PDE4D: variants seen among roughly 807,000 people sequenced by gnomAD.
PDE4D encodes 3',5'-cyclic-AMP phosphodiesterase 4D.
Under a neutral mutation model 87.4 loss-of-function variants are expected in PDE4D, and 24 were observed. That is an observed-to-expected ratio of 0.27 (90% confidence interval 0.20 to 0.39). PDE4D has a LOEUF of 0.39. Ranked by LOEUF, PDE4D falls within the 10% of genes least tolerant of loss-of-function variation. The pLI is 1.00. For missense variants in PDE4D, 714 were observed against 1,041.0 expected, an observed-to-expected ratio of 0.69 and a Z score of 4.32; for synonymous variants, 384 against 383.2, an observed-to-expected ratio of 1.00 and a Z score of -0.02.
intron 1 of PDE4D, among the ~76,000 whole-genome samples, chr5:59,513,759 T>C (rs1334736880): frequency 6.6e-6 from 1 of 152,188 alleles, no homozygotes; most frequent in African/African-American, 2.4e-5. Flanking sequence ...GAAATCAAAC[T>C]GAGTGGTAAC....
chr5:59,493,464 T>G (rs1806600907), intron 1 of PDE4D, among the ~76,000 whole-genome samples: 1 of 152,216 alleles, frequency 6.6e-6, no homozygotes, highest in African/African-American at 2.4e-5. Flanking sequence ...TGTAATAAAC[T>G]AGCTCACAAT....
At chr5:58,980,947 T>C (rs1160921063) in intron 11 of PDE4D, among the ~76,000 whole-genome samples, 2 of 152,112 alleles carry the variant, frequency 1.3e-5, no homozygotes, top group Non-Finnish European at 2.9e-5. Flanking sequence ...CCAGGAACCC[T>C]GATGTTAGAG....
Position 59,038,989 on chromosome 5 carries a change from A to G in PDE4D, c.809-18T>C. The G allele has an allele frequency of 6.4e-7, 1 of 1,562,870 alleles. No individual in the cohort carries two copies. The highest frequency in any genetic ancestry group is 2.4e-5 in the East Asian group (1 of 41,850). On this transcript the variant is annotated intron_variant, in intron 5 of 14. Coordinates refer to ENST00000340635, the MANE Select transcript of PDE4D (RefSeq NM_001104631.2). ...GGCCTCCTCTGCGAAGAGACAGGGA[A>G]AGGGGGACTCAGTTCTCAAGCGCTT...
At chr5:60,299,982 C>T (rs1753750254) in intron 1 of PDE4D, among the ~76,000 whole-genome samples, 1 of 152,264 alleles carries the variant, frequency 6.6e-6, no homozygotes, top group Non-Finnish European at 1.5e-5. Context: ...CACACTGTCT[C>T]CCAAAACAGT....
chr5:60,041,891 C>G (rs1014078225), intron 2 of PDE4D, among the ~76,000 whole-genome samples: 1 of 147,558 alleles, frequency 6.8e-6, no homozygotes, highest in African/African-American at 2.5e-5. Context: ...GGGCAGACAC[C>G]GAGCTAGCTG....
intron 1 of PDE4D, among the ~76,000 whole-genome samples, chr5:60,382,498 C>G (rs1761930961): frequency 6.6e-6 from 1 of 152,118 alleles, no homozygotes; most frequent in South Asian, 2.1e-4. Context: ...TTTCTGCTTC[C>G]TCCAGAGGTG....
chr5:59,750,594 T>C (rs1276356506), intron 1 of PDE4D, among the ~76,000 whole-genome samples: 2 of 152,218 alleles, frequency 1.3e-5, no homozygotes, highest in African/African-American at 4.8e-5. Flanking sequence ...TGTCTTTCTC[T>C]GACCCACTGG....
chr5:59,355,729 T>C (rs1440980022), intron 1 of PDE4D, among the ~76,000 whole-genome samples: 2 of 152,148 alleles, frequency 1.3e-5, no homozygotes, highest in African/African-American at 4.8e-5. Context: ...ATACAAAATT[T>C]TTAAATTTGA....
chr5:60,304,483 A>G (rs576521564), intron 1 of PDE4D, among the ~76,000 whole-genome samples: 1 of 151,408 alleles, frequency 6.6e-6, no homozygotes, highest in South Asian at 2.1e-4. Context: ...GTCTCTACTA[A>G]AAATACAAAA....
At chr5:60,196,593 G>A (rs1374492416) in intron 1 of PDE4D, among the ~76,000 whole-genome samples, 3 of 151,524 alleles carry the variant, frequency 2.0e-5, no homozygotes, top group Non-Finnish European at 4.4e-5. Context: ...CTGGCCTGAG[G>A]CCCAATATGG....
intron 1 of PDE4D, among the ~76,000 whole-genome samples, chr5:59,454,273 T>C (rs1226379600): frequency 6.6e-6 from 1 of 152,222 alleles, no homozygotes; most frequent in African/African-American, 2.4e-5. Flanking sequence ...CTCATCTTGA[T>C]TGTAACTCCC....
chr5:59,830,411 T>TA (rs746365796), intron 1 of PDE4D, among the ~76,000 whole-genome samples: 3 of 152,102 alleles, frequency 2.0e-5, no homozygotes, highest in South Asian at 2.1e-4. Flanking sequence ...TAGTAATTTC[T>TA]AAAAAAATCT....
At chr5:60,431,102 C>G (rs1205895554) in intron 1 of PDE4D, 3 of 233,118 alleles carry the variant, frequency 1.3e-5, no homozygotes, top group East Asian at 1.7e-4. Context: ...GGGCTCCTCA[C>G]TTCCCAGTAG....
chr5:59,231,800 T>C (rs1753416423), intron 1 of PDE4D, among the ~76,000 whole-genome samples: 1 of 152,250 alleles, frequency 6.6e-6, no homozygotes, highest in South Asian at 2.1e-4. Context: ...TTTTGTTTTG[T>C]TCCCTTGATC....
intron 2 of PDE4D, among the ~76,000 whole-genome samples, chr5:59,209,785 A>G (rs2153502392): frequency 6.6e-6 from 1 of 152,302 alleles, no homozygotes; most frequent in East Asian, 1.9e-4. Flanking sequence ...TTTATCCAGC[A>G]ACTGCTGAAA....
intron 1 of PDE4D, among the ~76,000 whole-genome samples, chr5:59,835,257 T>A (rs897241731): frequency 6.6e-6 from 1 of 152,076 alleles, no homozygotes. Flanking sequence ...TCTGTGGAAC[T>A]TTGTGCATAT....
chr5:59,605,257 CAA>C (rs1172778940), intron 1 of PDE4D, among the ~76,000 whole-genome samples: 1 of 152,036 alleles, frequency 6.6e-6, no homozygotes, highest in African/African-American at 2.4e-5. Flanking sequence ...ATTGGCAATG[CAA>C]AAGTTTATTT....
At chr5:60,254,432 C>T (rs534644052) in intron 1 of PDE4D, among the ~76,000 whole-genome samples, 12 of 151,910 alleles carry the variant, frequency 7.9e-5, no homozygotes, top group South Asian at 6.2e-4. Context: ...TTATTCATTC[C>T]ACTTAATAGC....
intron 2 of PDE4D, among the ~76,000 whole-genome samples, chr5:60,110,077 A>C (rs1777517292): frequency 6.6e-6 from 1 of 152,110 alleles, no homozygotes; most frequent in South Asian, 2.1e-4. Context: ...GAATGAGCGA[A>C]GTGGTACTCA....
Sources: gnomAD v4.1 joint callset for allele counts (sites outside exome capture counted in the v4.1 genomes callset) on GRCh38, gnomAD v4.1.1 for gene constraint, MANE v1.5 for transcripts, NCBI Gene and HGNC (gene_info 2026-07-23, HGNC 2026-07-21) for gene names.